The following FGF12 variants were observed in gnomAD, a reference collection of about 807,000 sequenced individuals.
FGF12 encodes fibroblast growth factor 12B.
FGF12 carries 14 observed loss-of-function variants against 23.6 expected under a neutral mutation model. The observed-to-expected ratio is 0.59, with a 90% CI of 0.39 to 0.93. FGF12 has a LOEUF of 0.93. Among genes scored for constraint, FGF12 ranks in the 40% least tolerant of loss-of-function variants. The pLI is 0.00. For synonymous variants in FGF12, 62 were observed against 77.3 expected (o/e 0.80, Z 1.04); for missense variants, 175 against 217.8 (o/e 0.80, Z 1.24).
intron 4 of FGF12, among the ~76,000 whole-genome samples, chr3:192,192,283 G>A (rs1308705587): frequency 6.6e-6 from 1 of 151,728 alleles, no homozygotes; most frequent in East Asian, 1.9e-4. Context: ...TTGGTAGAAA[G>A]GGAAATTATC....
At chr3:192,327,180 G>A (rs77397452) in intron 4 of FGF12, among the ~76,000 whole-genome samples, 2,330 of 152,006 alleles carry the variant, frequency 0.015, 62 homozygotes, top group African/African-American at 0.053. Flanking sequence ...ACAGAGTTGC[G>A]GTGAAATTAA....
intron 2 of FGF12, among the ~76,000 whole-genome samples, chr3:192,543,210 C>A (rs1725414614): frequency 6.6e-6 from 1 of 152,166 alleles, no homozygotes; most frequent in Admixed American, 6.5e-5. Flanking sequence ...GAGCTGGCAC[C>A]CAAGCCACAA....
At position 192,639,449 on chromosome 3, in the gene FGF12, G is replaced by A. The variant is rs1715708601; in HGVS notation, c.13+87732C>T. Reference sequence around the variant, plus strand: ...CACAAGACCCAGCAATCCCTCCTCTGGGCATACGCCCCCAAAAATGAACTC... The same window carrying A: ...CACAAGACCCAGCAATCCCTCCTCTAGGCATACGCCCCCAAAAATGAACTC... On this transcript the variant is annotated intron_variant, in intron 2 of 5. Coordinates refer to ENST00000445105, the MANE Select transcript of FGF12 (RefSeq NM_004113.6). Among the ~76,000 whole-genome samples, 4 of 152,214 alleles carry A rather than the reference G, an allele frequency of 2.6e-5. No individual in the cohort carries two copies. The South Asian group carries it at 8.3e-4, about 32-fold the overall frequency.
intron 2 of FGF12, among the ~76,000 whole-genome samples, chr3:192,482,623 G>A (rs1395449452): frequency 6.6e-6 from 1 of 152,074 alleles, no homozygotes; most frequent in Non-Finnish European, 1.5e-5. Context: ...AACAAAACGG[G>A]ATTCCGTCTC....
chr3:192,482,739 T>C (rs1337445114), intron 2 of FGF12, among the ~76,000 whole-genome samples: 1 of 152,208 alleles, frequency 6.6e-6, no homozygotes, highest in Non-Finnish European at 1.5e-5. Flanking sequence ...TTACTTAAAC[T>C]TTCTGAGGCA....
chr3:192,320,802 T>C (rs764280038), intron 4 of FGF12, among the ~76,000 whole-genome samples: 3 of 151,978 alleles, frequency 2.0e-5, no homozygotes, highest in Non-Finnish European at 4.4e-5. Flanking sequence ...ATCTATAGGA[T>C]ACAGTGAAAG....
At chr3:192,522,419 C>G (rs1434798772) in intron 2 of FGF12, among the ~76,000 whole-genome samples, 1 of 151,902 alleles carries the variant, frequency 6.6e-6, no homozygotes, top group Non-Finnish European at 1.5e-5. Context: ...ATATTAATAC[C>G]GTATAAGATT....
intron 4 of FGF12, among the ~76,000 whole-genome samples, chr3:192,182,380 A>G (rs1377680285): frequency 6.6e-6 from 1 of 152,160 alleles, no homozygotes; most frequent in East Asian, 1.9e-4. Flanking sequence ...TTTATTTCAA[A>G]TCTTATAAAA....
At chr3:192,664,594 C>CAAAAAACAAAAAAA (rs1716787963) in intron 2 of FGF12, among the ~76,000 whole-genome samples, 1 of 97,078 alleles carries the variant, frequency 1.0e-5, no homozygotes, top group Non-Finnish European at 2.0e-5. Context: ...ACTAAAAATA[C>CAAAAAACAAAAAAA]AAAAAAAATA....
At chr3:192,714,259 T>C (rs924431081) in intron 2 of FGF12, among the ~76,000 whole-genome samples, 2 of 152,102 alleles carry the variant, frequency 1.3e-5, no homozygotes, top group Non-Finnish European at 2.9e-5. Flanking sequence ...AAGACCAGAA[T>C]TGGATTCAGA....
Position 192,215,267 on chromosome 3 carries a change from C to T in FGF12, c.229-44611G>A, listed in dbSNP as rs1430743551. Among the ~76,000 whole-genome samples the T allele has an allele frequency of 2.6e-5, 4 of 152,166 alleles. No individual in the cohort carries two copies. The South Asian group carries it at 8.3e-4, about 32-fold the overall frequency. ...ACCCCCACCTGCCCATTAGACTCTG[C>T]ACTAATCTCTGTCTCAGAGTCTGTT... is the stretch of plus-strand genomic sequence containing the variant. On this transcript the variant is annotated intron_variant, in intron 4 of 5. Transcript: ENST00000445105.
chr3:192,311,215 G>A (rs902094647), intron 4 of FGF12, among the ~76,000 whole-genome samples: 4 of 152,058 alleles, frequency 2.6e-5, no homozygotes, highest in Non-Finnish European at 5.9e-5. Context: ...TATATTCACA[G>A]AGTTGTAAAA....
intron 2 of FGF12, among the ~76,000 whole-genome samples, chr3:192,700,738 G>A (rs527626599): frequency 1.3e-5 from 2 of 152,284 alleles, no homozygotes; most frequent in African/African-American, 4.8e-5. Flanking sequence ...ATGATGGGAA[G>A]AGGGGGGTCG....
At position 192,667,459 on chromosome 3, in the gene FGF12, A is replaced by AT. The variant is rs559564627; in HGVS notation, c.13+59721_13+59722insA. The stretch of plus-strand genomic sequence containing the variant: ...TCTCTACCAAAAATACAAAAAAAAA[A>AT]CTTAGCCAGGCTTGGTGGCGTGTAC... On this transcript the variant is annotated intron_variant, in intron 2 of 5. Coordinates refer to ENST00000445105, the MANE Select transcript of FGF12 (RefSeq NM_004113.6). Among the ~76,000 whole-genome samples, 17 of 151,736 alleles carry AT rather than the reference A, an allele frequency of 1.1e-4. No homozygotes were observed. In the East Asian group the frequency reaches 3.3e-3, roughly 30 times the overall value.
Position 192,386,684 on chromosome 3 carries a change from C to T in FGF12, c.14-26146G>A, listed in dbSNP as rs115326466. ...TTTTCCTTCTACATACAAGGCAATG[C>T]ATGAATAGAAACAGAGACGTGTCTG... On this transcript the variant is annotated intron_variant, in intron 2 of 5. Transcript: ENST00000445105. 8.0e-3 allele frequency among the ~76,000 whole-genome samples: 1,220 copies of T among 152,100 alleles called. 8 individuals are homozygous for T. The highest frequency in any genetic ancestry group is 0.013 in the Non-Finnish European group (879 of 67,982).
At chr3:192,706,177 A>G (rs1328523257) in intron 2 of FGF12, among the ~76,000 whole-genome samples, 1 of 152,208 alleles carries the variant, frequency 6.6e-6, no homozygotes, top group East Asian at 1.9e-4. Flanking sequence ...AAAATAATTC[A>G]TTGAAATTAT....
intron 4 of FGF12, among the ~76,000 whole-genome samples, chr3:192,308,164 C>T (rs1715748555): frequency 6.6e-6 from 1 of 151,950 alleles, no homozygotes; most frequent in African/African-American, 2.4e-5. Flanking sequence ...AGAATGAAAA[C>T]CACTCTCCAA....
chr3:192,307,720 C>T (rs757971307), intron 4 of FGF12, among the ~76,000 whole-genome samples: 1 of 152,176 alleles, frequency 6.6e-6, no homozygotes, highest in Non-Finnish European at 1.5e-5. Flanking sequence ...AAATAAATAA[C>T]AGTGCTCAAA....
At chr3:192,237,389 G>A (rs1272100180) in intron 4 of FGF12, among the ~76,000 whole-genome samples, 1 of 152,126 alleles carries the variant, frequency 6.6e-6, no homozygotes, top group Non-Finnish European at 1.5e-5. Flanking sequence ...ACTCCAGCAA[G>A]GTTGGGGAAA....
Sources: gnomAD v4.1 joint callset for allele counts (sites outside exome capture counted in the v4.1 genomes callset) on GRCh38, gnomAD v4.1.1 for gene constraint, MANE v1.5 for transcripts, NCBI Gene and HGNC (gene_info 2026-07-23, HGNC 2026-07-21) for gene names.